TBC1D9B: variants seen among roughly 807,000 people sequenced by gnomAD.
The protein encoded by TBC1D9B is TBC1 domain family, member 9B (with GRAM domain).
In TBC1D9B, 87 loss-of-function variants were observed where a neutral mutation model predicts 121.1. The observed-to-expected ratio is 0.72, with a 90% CI of 0.60 to 0.86. TBC1D9B has a LOEUF of 0.86. Ranked by LOEUF, TBC1D9B falls within the 40% of genes least tolerant of loss-of-function variation. The pLI, the probability that TBC1D9B is intolerant of heterozygous loss-of-function variation, is 0.00. For missense variants in TBC1D9B, 1,540 were observed against 1,628.6 expected (o/e 0.95, Z 0.94); for synonymous variants, 668 against 670.1 (o/e 1.00, Z 0.05).
In TBC1D9B at chr5:179,862,083, C is replaced by T. The variant is rs908623957; in HGVS notation, c.*1365G>A. The T allele has an allele frequency of 1.4e-4, 23 of 164,732 alleles. No individual in the cohort carries two copies. The highest frequency in any genetic ancestry group is 4.0e-4 in the African/African-American group (17 of 42,090). The allele number at this position is 164,732 out of a possible 1,614,324, so 10.2% of individuals were successfully genotyped here. A position where few individuals can be genotyped will look rare whatever the true frequency, so the allele number is the denominator to read the frequency against. ...TTTACAACTTTCATTACAGTATAAC[C>T]GTTACATTTTATTATTAGTTATTGT... On this transcript the variant is annotated 3_prime_UTR_variant, in exon 21 of 21. Transcript: ENST00000355235.
At chr5:179,893,169 G>A in intron 5 of TBC1D9B, 40 bp downstream of exon 5, 1 of 1,561,148 alleles carries the variant, frequency 6.4e-7, no homozygotes, top group Non-Finnish European at 8.7e-7. Context: ...CAGCGAACCT[G>A]GCTCACATGA....
At chr5:179,899,445 C>G in intron 2 of TBC1D9B, 138 bp from the exon 3 acceptor site, 1 of 717,126 alleles carries the variant, frequency 1.4e-6, no homozygotes, top group Non-Finnish European at 2.4e-6. Flanking sequence ...GCTTTTCCCT[C>G]TTAAGCTGAT....
At chr5:179,870,525 A>G (rs780108724) in intron 15 of TBC1D9B, 30 bp from the exon 16 acceptor site, 2 of 1,583,236 alleles carry the variant, frequency 1.3e-6, no homozygotes, top group Non-Finnish European at 1.7e-6. Context: ...GAGACGGTCC[A>G]GCCGCTAAGC....
chr5:179,888,180 A>G lies in TBC1D9B; in HGVS notation c.1177T>C (p.Phe393Leu). Residue 393 changes from phenylalanine to leucine, a missense_variant, in exon 7 of 21, where the codon TTC (phenylalanine) becomes CTC (leucine). By Grantham distance (22) the Phe-to-Leu change is conservative. Transcript: ENST00000355235. ...TGCTTGGATGGTGTTTTCTGGAGGAAGTCAGAGATCCTCTGCACCAAGAAA... is the reference window on the plus strand; with the variant it reads ...TGCTTGGATGGTGTTTTCTGGAGGAGGTCAGAGATCCTCTGCACCAAGAAA... Reference protein sequence around the residue: ...RDFLVQRISDFLQKTPSKQPG... With the variant: ...RDFLVQRISDLLQKTPSKQPG... 6.2e-7 allele frequency: 1 copy of G among 1,613,690 alleles called. No homozygotes were observed. The highest frequency in any genetic ancestry group is 8.5e-7 in the Non-Finnish European group (1 of 1,179,872).
At chr5:179,868,509 T>G (rs1760088417) in intron 17 of TBC1D9B, 1 of 152,182 alleles carries the variant, frequency 6.6e-6, no homozygotes, top group Admixed American at 6.5e-5. Context: ...CAGGTAAAAA[T>G]CCAATCAACA....
chr5:179,877,554 C>T (rs11952949), intron 10 of TBC1D9B, among the ~76,000 whole-genome samples: 29 of 151,148 alleles, frequency 1.9e-4, no homozygotes, highest in African/African-American at 6.6e-4. Context: ...ATCCCAGCTA[C>T]TCAAGAGGCT....
At chr5:179,879,438 T>G in intron 8 of TBC1D9B, 190 bp downstream of exon 8, 1 of 1,037,930 alleles carries the variant, frequency 9.6e-7, no homozygotes, top group South Asian at 1.6e-5. Flanking sequence ...AACAGCACAC[T>G]GAGCAGGTCA....
Position 179,886,552 on chromosome 5 carries a change from T to C in TBC1D9B, c.1254+1551A>G, listed in dbSNP as rs572826013. ...CCTTTCTTCATGTCTGCAATCCACA[T>C]TGATTCCGCCCACCCCTTCCCATGC... is the stretch of plus-strand genomic sequence containing the variant. On this transcript the variant is annotated intron_variant, in intron 7 of 20. Coordinates refer to ENST00000355235, the MANE Select transcript of TBC1D9B (RefSeq NM_015043.4). Among the ~76,000 whole-genome samples the C allele has an allele frequency of 2.6e-5, 4 of 152,322 alleles. No homozygotes were observed. In the South Asian group the frequency reaches 8.3e-4, roughly 32 times the overall value.
chr5:179,891,147 T>C lies in TBC1D9B; in HGVS notation c.1044+232A>G, dbSNP rs1220040864. ...GCAAGTGACCTGAGAGGGCAAGCAG[T>C]GTGCCCCCACCATGTTACCTGCCTC... On this transcript the variant is annotated intron_variant, in intron 6 of 20. Transcript: ENST00000355235. The surrounding 1 kb of genome is among the most constrained non-coding windows in gnomAD (Gnocchi z 4.3). Among the ~76,000 whole-genome samples, 1 of 152,234 alleles carries C rather than the reference T, an allele frequency of 6.6e-6. No homozygotes were observed. Among genetic ancestry groups the C allele is most frequent in the African/African-American group, 2.4e-5 (1 of 41,468 alleles).
rs1561636366 is a variant in TBC1D9B, at chr5:179,874,335, G to C, written c.2186+567C>G. Among the ~76,000 whole-genome samples the C allele has an allele frequency of 6.6e-6, 1 of 152,130 alleles. No individual in the cohort carries two copies. Among genetic ancestry groups the C allele is most frequent in the Non-Finnish European group, 1.5e-5 (1 of 68,016 alleles). On this transcript the variant is annotated intron_variant, in intron 12 of 20. Coordinates refer to ENST00000355235, the MANE Select transcript of TBC1D9B (RefSeq NM_015043.4). This position sits in a 1 kb window ranked among gnomAD's most constrained non-coding sequence, Gnocchi z 4.3. Reference sequence around the variant, plus strand: ...ATGGTGGGCCTGGGCTGAGGCAGCAGGCTGAAGGGAAGGGGCTGGATCCCA... The same window carrying C: ...ATGGTGGGCCTGGGCTGAGGCAGCACGCTGAAGGGAAGGGGCTGGATCCCA...
At chr5:179,870,180 G>T in intron 16 of TBC1D9B, 75 bp downstream of exon 16, 1 of 1,582,798 alleles carries the variant, frequency 6.3e-7, no homozygotes. Flanking sequence ...ACAGACAGGA[G>T]ATGCTGGCAT....
rs1156632138 is a variant in TBC1D9B, at chr5:179,875,088, G to A, written c.2000C>T (p.Ser667Leu). Residue 667 changes from serine to leucine, a missense_variant, in exon 12 of 21, where the codon TCG (serine) becomes TTG (leucine). Coordinates refer to ENST00000355235, the MANE Select transcript of TBC1D9B (RefSeq NM_015043.4). This position sits in a 1 kb window ranked among gnomAD's most constrained non-coding sequence, Gnocchi z 4.5. ...MQDLGVISSISLSWFLTLFLS... is the reference protein window; with the variant it reads ...MQDLGVISSILLSWFLTLFLS... ...GAAGAGGGTCAGGAACCAGGACAGCGAGATGCTGGAGATCACCCCCAGGTC... is the reference window on the plus strand; with the variant it reads ...GAAGAGGGTCAGGAACCAGGACAGCAAGATGCTGGAGATCACCCCCAGGTC... 9.9e-6 allele frequency: 16 copies of A among 1,613,956 alleles called. No homozygotes were observed. The highest frequency in any genetic ancestry group is 1.7e-5 in the Admixed American group (1 of 60,012).
At chr5:179,881,101 G>A (rs1361791339) in intron 7 of TBC1D9B, among the ~76,000 whole-genome samples, 1 of 152,228 alleles carries the variant, frequency 6.6e-6, no homozygotes, top group Non-Finnish European at 1.5e-5. Context: ...TGCAGCCAAC[G>A]TGTGCTCCTG....
rs1045870925 is a variant in TBC1D9B, at chr5:179,904,461, G to A, written c.229+241C>T. On this transcript the variant is annotated intron_variant, in intron 2 of 20. Transcript: ENST00000355235. The surrounding 1 kb of genome is among the most constrained non-coding windows in gnomAD (Gnocchi z 4.2). Reference sequence around the variant, plus strand: ...AGGATGGTCTCGATCTCCTGACCTCGTGATCAGCCCGCCTCGGCCTCCCAA... The same window carrying A: ...AGGATGGTCTCGATCTCCTGACCTCATGATCAGCCCGCCTCGGCCTCCCAA... Among the ~76,000 whole-genome samples, 4 of 151,988 alleles carry A rather than the reference G, an allele frequency of 2.6e-5. No individual in the cohort carries two copies. Among genetic ancestry groups the A allele is most frequent in the African/African-American group, 9.7e-5 (4 of 41,362 alleles).
Position 179,893,437 on chromosome 5 carries a change from G to T in TBC1D9B, c.608C>A (p.Thr203Lys). ...CAGGGTGGCGTTCTTCTCCAGACGC[G>T]TTATGTCCACCCACTGCACCACGAG... The part of the protein sequence containing the change: ...VSLVVQWVDI[T>K]RLEKNATLLF... The change falls in exon 5 of 21, where the codon ACG becomes AAG. Residue 203 changes from threonine to lysine, a missense_variant. Physicochemically the swap from Thr to Lys is moderately conservative, Grantham distance 78 (BLOSUM62 -1). Coordinates refer to ENST00000355235, the MANE Select transcript of TBC1D9B (RefSeq NM_015043.4). 6.2e-7 allele frequency: 1 copy of T among 1,611,626 alleles called. No individual in the cohort carries two copies. Among genetic ancestry groups the T allele is most frequent in the Non-Finnish European group, 8.5e-7 (1 of 1,178,232 alleles).
intron 7 of TBC1D9B, among the ~76,000 whole-genome samples, chr5:179,882,134 G>A (rs528275031): frequency 5.7e-4 from 87 of 151,978 alleles, no homozygotes; most frequent in African/African-American, 2.0e-3. Context: ...TAATAGAGAC[G>A]AGGTTTCACC....
At chr5:179,901,721 T>A (rs766478812) in intron 2 of TBC1D9B, among the ~76,000 whole-genome samples, 1 of 152,182 alleles carries the variant, frequency 6.6e-6, no homozygotes, top group African/African-American at 2.4e-5. Context: ...TGAGCTGTGA[T>A]TGCACCACGG....
intron 9 of TBC1D9B, among the ~76,000 whole-genome samples, 164 bp downstream of exon 9, chr5:179,878,883 C>T (rs71613431): frequency 4.8e-5 from 7 of 144,586 alleles, no homozygotes; most frequent in Non-Finnish European, 8.8e-5. Context: ...GGTTGGGTCC[C>T]GGGCCAGAGC....
chr5:179,869,450 C>T (rs952696326), intron 17 of TBC1D9B: 7 of 519,652 alleles, frequency 1.3e-5, no homozygotes, highest in South Asian at 5.0e-5. Flanking sequence ...GCAGCAGTTT[C>T]GGTTCCAGCC....
Sources: allele counts gnomAD v4.1 joint callset (sites outside exome capture counted in the v4.1 genomes callset), GRCh38; gene constraint gnomAD v4.1.1; non-coding constraint Gnocchi (gnomAD v3.1); transcripts MANE v1.5; gene names NCBI Gene and HGNC (gene_info 2026-07-23, HGNC 2026-07-21).